The following SHC2 variants were observed in gnomAD, a reference collection of about 807,000 sequenced individuals.
The protein encoded by SHC2 is SHC adaptor protein 2.
A neutral mutation model predicts 60.6 loss-of-function variants in SHC2; 62 were observed. That is an observed-to-expected ratio of 1.02 (90% CI 0.83 to 1.26). The LOEUF is 1.26. Ranked by LOEUF, SHC2 falls within the 50% of genes most tolerant of loss-of-function variation. SHC2 has a pLI of 0.00. For missense variants in SHC2, 873 were observed against 822.2 expected (o/e 1.06, Z -0.76); for synonymous variants, 375 against 372.4 (o/e 1.01, Z -0.08).
chr19:421,412 A>AAG (rs1568280179), intron 11 of SHC2, among the ~76,000 whole-genome samples: 61 of 144,676 alleles, frequency 4.2e-4, no homozygotes, highest in East Asian at 3.7e-3. Flanking sequence ...AAAAAAAAAA[A>AAG]AAAAGAAAAG....
Position 460,979 on chromosome 19 carries a change from G to T in SHC2, c.18C>A (p.Gly6=). Residue 6 remains glycine (G), a synonymous_variant, in exon 1 of 13, where the codon GGC becomes GGA. Transcript: ENST00000264554. MTQGP[G]GRAPPAPPAP... ...CGGGGGGCGCCGGGGGCGCGCGCCC[G>T]CCCGGACCCTGCGTCATGGCCGCGG... The T allele has an allele frequency of 2.1e-6, 2 of 970,186 alleles. No homozygotes were observed. Among genetic ancestry groups the T allele is most frequent in the Non-Finnish European group, 2.4e-6 (2 of 817,788 alleles). The allele number at this position is 970,186 out of a possible 1,614,324, so 60.1% of individuals were successfully genotyped here. A position where few individuals can be genotyped will look rare whatever the true frequency, so the allele number is the denominator to read the frequency against.
intron 9 of SHC2, 60 bp downstream of exon 9, chr19:430,624 A>G: frequency 7.1e-7 from 1 of 1,404,160 alleles, no homozygotes. Context: ...CCAGCACAGG[A>G]CAGGGCTGAG....
chr19:438,807 C>A lies in SHC2; in HGVS notation c.631G>T (p.Gly211Cys). ...CCGGCAAAGCGAAGGTTGCTCTTGC[C>A]CAGGACGGACGCCAGGGCCTTGTTG... ...APNKALASVL[G>C]KSNLRFAGMS... Residue 211 changes from glycine (G) to cysteine (C), a missense_variant, in exon 4 of 13, where the codon GGC becomes TGC. Gly to Cys is a radical substitution (Grantham distance 159, BLOSUM62 -3). Coordinates refer to ENST00000264554, the MANE Select transcript of SHC2 (RefSeq NM_012435.3). This position sits in a 1 kb window ranked among gnomAD's most constrained non-coding sequence, Gnocchi z 5.0. 2 of 1,573,120 alleles carry A rather than the reference C, an allele frequency of 1.3e-6. No individual in the cohort carries two copies. The highest frequency in any genetic ancestry group is 1.9e-5 in the Admixed American group (1 of 53,776).
intron 1 of SHC2, among the ~76,000 whole-genome samples, chr19:444,746 C>A (rs1975010131): frequency 6.6e-6 from 1 of 152,228 alleles, no homozygotes; most frequent in Admixed American, 6.5e-5. Flanking sequence ...ACGCTGTGCA[C>A]AGCATCCTTT....
rs964508230 is a variant in SHC2, at chr19:445,089, T to C, written c.469-4157A>G. ...CCACGGCGCCCAGTGCTGCCGGCCA[T>C]GTGCTTTTTTAAAAAAGAGACCAGA... On this transcript the variant is annotated intron_variant, in intron 1 of 12. Transcript: ENST00000264554. The surrounding 1 kb of genome is among the most constrained non-coding windows in gnomAD (Gnocchi z 4.4). Among the ~76,000 whole-genome samples the C allele has an allele frequency of 6.6e-6, 1 of 152,260 alleles. No individual in the cohort carries two copies. The highest frequency in any genetic ancestry group is 1.5e-5 in the Non-Finnish European group (1 of 68,036).
intron 7 of SHC2, 56 bp from the exon 8 acceptor site, chr19:434,921 C>T: frequency 3.2e-6 from 5 of 1,547,154 alleles, no homozygotes; most frequent in Non-Finnish European, 4.4e-6. Flanking sequence ...GGGCTAAAGC[C>T]TTACGGCTTG....
At chr19:450,977 G>A (rs958418757) in intron 1 of SHC2, among the ~76,000 whole-genome samples, 4 of 149,522 alleles carry the variant, frequency 2.7e-5, no homozygotes, top group African/African-American at 9.9e-5. Flanking sequence ...TCATATTTCA[G>A]TGTGTGGATG....
At position 449,559 on chromosome 19, in the gene SHC2, C is replaced by A. The variant is rs950109868; in HGVS notation, c.469-8627G>T. Among the ~76,000 whole-genome samples, 4 of 152,078 alleles carry A rather than the reference C, an allele frequency of 2.6e-5. No individual in the cohort carries two copies. In the South Asian group the frequency reaches 6.2e-4, roughly 24 times the overall value. On this transcript the variant is annotated intron_variant, in intron 1 of 12. Coordinates refer to ENST00000264554, the MANE Select transcript of SHC2 (RefSeq NM_012435.3). ...AAAATCCTTGTCCTTAGACTATATACCCTAGCGTGTTTGAGGGTAGAGGGG... is the reference window on the plus strand; with the variant it reads ...AAAATCCTTGTCCTTAGACTATATAACCTAGCGTGTTTGAGGGTAGAGGGG...
Position 458,525 on chromosome 19 carries a change from G to T in SHC2, c.468+2004C>A, listed in dbSNP as rs1333440964. On this transcript the variant is annotated intron_variant, in intron 1 of 12. Coordinates refer to ENST00000264554, the MANE Select transcript of SHC2 (RefSeq NM_012435.3). ...TTCCGGGGAGGCGGAAGCGGGTCCTGGGGAGGCGGATTCGGGTTCCGGGGA... is the reference window on the plus strand; with the variant it reads ...TTCCGGGGAGGCGGAAGCGGGTCCTTGGGAGGCGGATTCGGGTTCCGGGGA... Among the ~76,000 whole-genome samples the T allele has an allele frequency of 1.4e-5, 2 of 143,924 alleles. 1 individual carries two copies. Among genetic ancestry groups the T allele is most frequent in the Non-Finnish European group, 3.1e-5 (2 of 64,686 alleles). The allele number at this position is 143,924 out of a possible 152,430, so 94.4% of individuals were successfully genotyped here.
rs541869608 is a variant in SHC2 at position 447,764 on chromosome 19, A to G, written c.469-6832T>C. On this transcript the variant is annotated intron_variant, in intron 1 of 12. Transcript: ENST00000264554. ...CTGCACTCCAGCCTGGGTGACAAGA[A>G]CAAAACTCCATCTAAAAAAAAAATT... Among the ~76,000 whole-genome samples the G allele has an allele frequency of 1.6e-4, 25 of 151,726 alleles. No individual in the cohort carries two copies. The East Asian group carries it at 4.1e-3, about 25-fold the overall frequency.
At chr19:458,919 G>A (rs538264170) in intron 1 of SHC2, among the ~76,000 whole-genome samples, 3 of 152,144 alleles carry the variant, frequency 2.0e-5, no homozygotes, top group East Asian at 3.9e-4. Context: ...GACCACACGT[G>A]GGGGAGTGAG....
At chr19:418,700 G>C (rs2145684165) in intron 12 of SHC2, among the ~76,000 whole-genome samples, 1 of 151,856 alleles carries the variant, frequency 6.6e-6, no homozygotes, top group East Asian at 1.9e-4. Context: ...TGGAGCTGGG[G>C]AGGGGACAGG....
At position 422,303 on chromosome 19, in the gene SHC2, T is replaced by C; in HGVS notation, c.1463A>G (p.Tyr488Cys). The C allele has an allele frequency of 1.9e-6, 3 of 1,611,972 alleles. No homozygotes were observed. Among genetic ancestry groups the C allele is most frequent in the South Asian group, 1.1e-5 (1 of 90,848 alleles). ...CGCCCGGCGGCTCATCCGGCCGTGG[T>C]ACCAGGGCTCCTGACGCAGCTGTTC... ...TEEQLRQEPWYHGRMSRRAAE... is the reference protein window; with the variant it reads ...TEEQLRQEPWCHGRMSRRAAE... The change falls in exon 11 of 13, where the codon TAC becomes TGC. Residue 488 changes from tyrosine to cysteine, a missense_variant. By Grantham distance (194) the Tyr-to-Cys change is radical. Transcript: ENST00000264554. This position sits in a 1 kb window ranked among gnomAD's most constrained non-coding sequence, Gnocchi z 5.0.
intron 11 of SHC2, chr19:419,260 G>A: frequency 1.8e-6 from 1 of 563,418 alleles, no homozygotes; most frequent in Admixed American, 3.3e-5. Flanking sequence ...GAAACCCCCA[G>A]GGTTCTGGGG....
chr19:458,460 C>CTT (rs1975434250), intron 1 of SHC2, among the ~76,000 whole-genome samples: 1 of 123,538 alleles, frequency 8.1e-6, no homozygotes, highest in Non-Finnish European at 1.7e-5. Flanking sequence ...AAGTGGGTTC[C>CTT]GGGGAGGCAG....
At chr19:448,355 C>T (rs536628799) in intron 1 of SHC2, among the ~76,000 whole-genome samples, 2 of 152,286 alleles carry the variant, frequency 1.3e-5, no homozygotes, top group African/African-American at 4.8e-5. Context: ...GGGGGAGGGT[C>T]CTTCCTGCCT....
chr19:454,814 A>G (rs1419592048), intron 1 of SHC2, among the ~76,000 whole-genome samples: 1 of 151,036 alleles, frequency 6.6e-6, no homozygotes, highest in African/African-American at 2.4e-5. Flanking sequence ...GACCATAGAA[A>G]TGCTTCCTCA....
At chr19:442,903 A>AGGG (rs2145731998) in intron 1 of SHC2, among the ~76,000 whole-genome samples, 1 of 12,452 alleles carries the variant, frequency 8.0e-5, no homozygotes, top group Admixed American at 1.0e-3. Flanking sequence ...GGATGAATGG[A>AGGG]TGGATGGACG....
rs142453466 is a variant in SHC2 at position 455,663 on chromosome 19, G to A, written c.468+4866C>T. 3.3e-3 allele frequency among the ~76,000 whole-genome samples: 499 copies of A among 152,274 alleles called. 5 individuals carry two copies. Among genetic ancestry groups the A allele is most frequent in the African/African-American group, 0.011 (466 of 41,544 alleles). Reference sequence around the variant, plus strand: ...CACAAATTGAGTGGCTCCAAACAACGCGAGCTAATCCGCTTATGTCTAGAG... The same window carrying A: ...CACAAATTGAGTGGCTCCAAACAACACGAGCTAATCCGCTTATGTCTAGAG... On this transcript the variant is annotated intron_variant, in intron 1 of 12. Transcript: ENST00000264554.
Sources: gnomAD v4.1 joint callset for allele counts (sites outside exome capture counted in the v4.1 genomes callset) on GRCh38, gnomAD v4.1.1 for gene constraint, Gnocchi (gnomAD v3.1) non-coding constraint, MANE v1.5 for transcripts, NCBI Gene and HGNC (gene_info 2026-07-23, HGNC 2026-07-21) for gene names.